CCSER1: variants seen among roughly 807,000 people sequenced by gnomAD.
CCSER1 encodes the protein coiled-coil serine rich protein 1.
In CCSER1, 41 loss-of-function variants were observed where a neutral mutation model predicts 82.0. The ratio of observed to expected loss-of-function variants is 0.50; its 90% CI spans 0.39 to 0.65. The LOEUF is 0.65. Ranked by LOEUF, CCSER1 falls within the 30% of genes least tolerant of loss-of-function variation. The pLI, the probability that CCSER1 is intolerant of heterozygous loss-of-function variation, is 0.00. For missense variants in CCSER1, 1,119 were observed against 1,064.2 expected (o/e 1.05, Z -0.72); for synonymous variants, 414 against 383.9 (o/e 1.08, Z -0.92).
At chr4:91,503,138 C>T (rs952902088) in intron 10 of CCSER1, among the ~76,000 whole-genome samples, 1 of 151,788 alleles carries the variant, frequency 6.6e-6, no homozygotes, top group African/African-American at 2.4e-5. Flanking sequence ...GTCAGGAGAT[C>T]GAGACCATCC....
intron 6 of CCSER1, among the ~76,000 whole-genome samples, chr4:90,714,612 C>T (rs1044135153): frequency 6.6e-6 from 1 of 151,936 alleles, no homozygotes. Context: ...AAAATAGGGA[C>T]TCAGCCTCCA....
At position 91,588,095 on chromosome 4, in the gene CCSER1, AT is replaced by A. The variant is rs539145014; in HGVS notation, c.2218-10469del. ...TCTCATTATATTTTGTGCTTTGTTG[AT>A]TTTTTTTCTATTTAAAAATCAATTT... is the stretch of plus-strand genomic sequence containing the variant. On this transcript the variant is annotated intron_variant, in intron 10 of 10. Coordinates refer to ENST00000509176, the MANE Select transcript of CCSER1 (RefSeq NM_001145065.2). 2.8e-3 allele frequency among the ~76,000 whole-genome samples: 423 copies of A among 151,176 alleles called. 2 individuals are homozygous for A. The highest frequency in any genetic ancestry group is 9.8e-3 in the African/African-American group (404 of 41,306).
intron 10 of CCSER1, among the ~76,000 whole-genome samples, chr4:91,564,961 T>C (rs1469847810): frequency 6.6e-6 from 1 of 151,790 alleles, no homozygotes; most frequent in African/African-American, 2.4e-5. Context: ...ATGGTATTGC[T>C]GTGGTTGTCT....
At chr4:90,391,013 C>T (rs965012268) in intron 3 of CCSER1, among the ~76,000 whole-genome samples, 1 of 150,474 alleles carries the variant, frequency 6.6e-6, no homozygotes, top group African/African-American at 2.5e-5. Context: ...CCTGTAATCC[C>T]AGCACTTTGA....
chr4:90,855,048 A>G (rs1311471969), intron 8 of CCSER1, among the ~76,000 whole-genome samples: 1 of 152,024 alleles, frequency 6.6e-6, no homozygotes, highest in Non-Finnish European at 1.5e-5. Flanking sequence ...AAATAACCAG[A>G]TCTCGTGAGA....
intron 10 of CCSER1, among the ~76,000 whole-genome samples, chr4:91,393,801 C>T (rs1751805171): frequency 6.6e-6 from 1 of 152,016 alleles, no homozygotes; most frequent in Non-Finnish European, 1.5e-5. Context: ...GGGAAGTATG[C>T]TTTCGTGTTA....
chr4:91,522,595 T>TGTAA (rs1319994409), intron 10 of CCSER1, among the ~76,000 whole-genome samples: 1 of 152,192 alleles, frequency 6.6e-6, no homozygotes, highest in Non-Finnish European at 1.5e-5. Flanking sequence ...TCACATACCT[T>TGTAA]GTAAGTTGGA....
In CCSER1 at chr4:90,462,693, C is replaced by T. The variant is rs1418454720; in HGVS notation, c.1604-5541C>T. Among the ~76,000 whole-genome samples the T allele has an allele frequency of 3.3e-5, 5 of 152,176 alleles. No homozygotes were observed. The East Asian group carries it at 9.7e-4, about 29-fold the overall frequency. ...TGAGGGGTAGTGCATCATGATTGCACCTGTGAATAGCCACCAGACTCCAGC... is the reference window on the plus strand; with the variant it reads ...TGAGGGGTAGTGCATCATGATTGCATCTGTGAATAGCCACCAGACTCCAGC... On this transcript the variant is annotated intron_variant, in intron 4 of 10. Transcript: ENST00000509176.
chr4:90,859,276 TAA>T (rs1414364124), intron 8 of CCSER1, among the ~76,000 whole-genome samples: 1 of 151,906 alleles, frequency 6.6e-6, no homozygotes, highest in African/African-American at 2.4e-5. Context: ...TTACTGTAAA[TAA>T]AGTTTATGAA....
In CCSER1 at chr4:91,545,490, G is replaced by T. The variant is rs575013854; in HGVS notation, c.2218-53082G>T. On this transcript the variant is annotated intron_variant, in intron 10 of 10. Coordinates refer to ENST00000509176, the MANE Select transcript of CCSER1 (RefSeq NM_001145065.2). ...TTCACTACAGTTTTGTTTTCTTCCCGTGGATTTTGTATATAAATTGGTAGA... is the reference window on the plus strand; with the variant it reads ...TTCACTACAGTTTTGTTTTCTTCCCTTGGATTTTGTATATAAATTGGTAGA... Among the ~76,000 whole-genome samples the T allele has an allele frequency of 1.1e-4, 17 of 152,116 alleles. 1 individual carries two copies. In the South Asian group the frequency reaches 3.5e-3, roughly 32 times the overall value.
At chr4:90,433,215 T>C (rs1758545494) in intron 4 of CCSER1, among the ~76,000 whole-genome samples, 1 of 152,166 alleles carries the variant, frequency 6.6e-6, no homozygotes, top group African/African-American at 2.4e-5. Context: ...CATTTTGCTC[T>C]TTCCATTATA....
At chr4:90,141,070 T>C (rs570901307) in intron 1 of CCSER1, among the ~76,000 whole-genome samples, 1 of 102,326 alleles carries the variant, frequency 9.8e-6, no homozygotes, top group South Asian at 3.3e-4. Context: ...CTATTGTCTG[T>C]CTACCTATTG....
At chr4:91,459,283 T>G (rs2149428963) in intron 10 of CCSER1, among the ~76,000 whole-genome samples, 1 of 152,248 alleles carries the variant, frequency 6.6e-6, no homozygotes, top group Non-Finnish European at 1.5e-5. Flanking sequence ...GCATAATTAT[T>G]ATTGAAGCAT....
intron 4 of CCSER1, among the ~76,000 whole-genome samples, chr4:90,410,505 ACTGAACAACCTGTT>A (rs1486499159): frequency 1.3e-5 from 2 of 152,232 alleles, no homozygotes; most frequent in African/African-American, 2.4e-5. Context: ...GTACATGGAA[ACTGAACAACCTGTT>A]CTGAATGACT....
intron 9 of CCSER1, among the ~76,000 whole-genome samples, chr4:90,979,525 A>G (rs958574432): frequency 4.6e-5 from 7 of 151,754 alleles, no homozygotes; most frequent in African/African-American, 1.5e-4. Flanking sequence ...TCGTTATGCA[A>G]GTACGCACTG....
chr4:91,384,757 G>C (rs996984157), intron 10 of CCSER1, among the ~76,000 whole-genome samples: 1 of 151,954 alleles, frequency 6.6e-6, no homozygotes, highest in Non-Finnish European at 1.5e-5. Context: ...AAAGTGCACC[G>C]TAGGCAAAGT....
intron 3 of CCSER1, among the ~76,000 whole-genome samples, chr4:90,374,833 GCAGT>G (rs1382397021): frequency 1.3e-5 from 2 of 151,900 alleles, no homozygotes; most frequent in Non-Finnish European, 2.9e-5. Context: ...TCAGACTTTT[GCAGT>G]CTGATATTAG....
At chr4:91,105,704 A>C (rs1379845360) in intron 10 of CCSER1, among the ~76,000 whole-genome samples, 2 of 152,120 alleles carry the variant, frequency 1.3e-5, no homozygotes, top group Non-Finnish European at 2.9e-5. Flanking sequence ...AATCCATCTC[A>C]AAAAAATAAA....
chr4:90,934,145 G>A (rs990132407), intron 9 of CCSER1, among the ~76,000 whole-genome samples: 7 of 151,932 alleles, frequency 4.6e-5, no homozygotes, highest in African/African-American at 1.4e-4. Context: ...AATAACAATA[G>A]GAGGCTATTT....
Sources: allele counts gnomAD v4.1 joint callset (sites outside exome capture counted in the v4.1 genomes callset), GRCh38; gene constraint gnomAD v4.1.1; transcripts MANE v1.5; gene names NCBI Gene and HGNC (gene_info 2026-07-23, HGNC 2026-07-21).